Variants in PTPRD observed in about 807,000 individuals in gnomAD.
PTPRD encodes the protein receptor-type tyrosine-protein phosphatase delta.
In PTPRD, 34 loss-of-function variants were observed where a neutral mutation model predicts 214.5. The observed-to-expected ratio is 0.16, with a 90% CI of 0.12 to 0.21. The LOEUF (loss-of-function observed/expected upper bound fraction) is 0.21, where lower values mean the gene tolerates loss of function less well. Among genes scored for constraint, PTPRD ranks in the 10% least tolerant of loss-of-function variants. The pLI is 1.00. For synonymous variants in PTPRD, 1,128 were observed against 845.7 expected (o/e 1.33, Z -5.79); for missense variants, 2,545 against 2,398.7 (o/e 1.06, Z -1.27).
chr9:9,090,004 G>A (rs1448166058), intron 10 of PTPRD, among the ~76,000 whole-genome samples: 1 of 152,108 alleles, frequency 6.6e-6, no homozygotes, highest in Non-Finnish European at 1.5e-5. Flanking sequence ...GCATACATGT[G>A]TAATGATCAA....
At chr9:10,040,240 C>T (rs1156997277) in intron 3 of PTPRD, among the ~76,000 whole-genome samples, 3 of 151,964 alleles carry the variant, frequency 2.0e-5, no homozygotes, top group Non-Finnish European at 4.4e-5. Flanking sequence ...AAAGTCTTCC[C>T]ATTTTGTTGT....
intron 10 of PTPRD, among the ~76,000 whole-genome samples, chr9:9,089,571 C>T (rs1294122297): frequency 1.3e-5 from 2 of 152,158 alleles, no homozygotes; most frequent in Non-Finnish European, 2.9e-5. Context: ...CAAATTGATT[C>T]CATGTAGCAA....
intron 5 of PTPRD, among the ~76,000 whole-genome samples, chr9:9,935,699 C>T (rs1409384123): frequency 2.2e-4 from 31 of 143,626 alleles, no homozygotes; most frequent in East Asian, 1.0e-3. Flanking sequence ...CTACCAATGA[C>T]TTTCTTCACA....
intron 4 of PTPRD, among the ~76,000 whole-genome samples, chr9:10,029,264 G>C (rs1010106116): frequency 1.2e-4 from 18 of 152,216 alleles, no homozygotes; most frequent in African/African-American, 3.6e-4. Context: ...CAGTGTGGAA[G>C]GGAAATGTGG....
intron 2 of PTPRD, among the ~76,000 whole-genome samples, chr9:10,500,476 T>C (rs2043321151): frequency 6.6e-6 from 1 of 152,008 alleles, no homozygotes; most frequent in African/African-American, 2.4e-5. Flanking sequence ...GATACTGGCA[T>C]GTAATGGATA....
chr9:8,625,988 T>C (rs1456285715), intron 14 of PTPRD, among the ~76,000 whole-genome samples: 1 of 151,834 alleles, frequency 6.6e-6, no homozygotes, highest in Non-Finnish European at 1.5e-5. Flanking sequence ...TTTAATAAGA[T>C]ATAATAAGTT....
rs528220304 is a variant in PTPRD at position 10,147,676 on chromosome 9, T to A, written c.-544-113886A>T. Among the ~76,000 whole-genome samples, 25 of 151,828 alleles carry A rather than the reference T, an allele frequency of 1.6e-4. 1 individual carries two copies. The East Asian group carries it at 3.9e-3, about 24-fold the overall frequency. ...GTGTGGATCATCTGAGGTCAGGAGT[T>A]CAAGACCAGCCTGGCCAATATGGTA... is the stretch of plus-strand genomic sequence containing the variant. On this transcript the variant is annotated intron_variant, in intron 3 of 45. Transcript: ENST00000381196.
chr9:8,391,492 G>A (rs1334423557), intron 36 of PTPRD, among the ~76,000 whole-genome samples: 5 of 152,040 alleles, frequency 3.3e-5, no homozygotes, highest in African/African-American at 7.2e-5. Flanking sequence ...TTCAAATGAC[G>A]GTTTAAATAA....
rs181537114 is a variant in PTPRD, at chr9:9,871,225, A to G, written c.-368+67282T>C. On this transcript the variant is annotated intron_variant, in intron 5 of 45. Transcript: ENST00000381196. ...TATAAAATAGAATAAACCAATTACA[A>G]GTCAAACAAGAGAGTAAGTATGGAT... Among the ~76,000 whole-genome samples, 62 of 152,322 alleles carry G rather than the reference A, an allele frequency of 4.1e-4. 1 individual carries two copies. The highest frequency in any genetic ancestry group is 7.4e-4 in the Non-Finnish European group (50 of 68,010).
At chr9:10,348,032 T>C (rs1341095160) in intron 2 of PTPRD, among the ~76,000 whole-genome samples, 1 of 152,102 alleles carries the variant, frequency 6.6e-6, no homozygotes, top group Non-Finnish European at 1.5e-5. Flanking sequence ...CACTCCAGCC[T>C]GGGAAGCAGA....
At chr9:8,583,823 GTTGT>G (rs542530890) in intron 14 of PTPRD, among the ~76,000 whole-genome samples, 20 of 152,248 alleles carry the variant, frequency 1.3e-4, no homozygotes, top group African/African-American at 4.3e-4. Flanking sequence ...TTTGTTCATT[GTTGT>G]TTTTCTGTAC....
At chr9:10,482,636 G>A (rs2099108174) in intron 2 of PTPRD, among the ~76,000 whole-genome samples, 2 of 152,172 alleles carry the variant, frequency 1.3e-5, no homozygotes, top group South Asian at 4.2e-4. Flanking sequence ...CAAAATCAAT[G>A]TACATAAACC....
Position 9,988,489 on chromosome 9 carries a change from G to A in PTPRD, c.-472+45229C>T, listed in dbSNP as rs941643578. 2.6e-5 allele frequency among the ~76,000 whole-genome samples: 4 copies of A among 152,066 alleles called. No homozygotes were observed. In the South Asian group the frequency reaches 8.3e-4, roughly 32 times the overall value. On this transcript the variant is annotated intron_variant, in intron 4 of 45. Transcript: ENST00000381196. ...GTTATTATCTATTAAATTAGATTTG[G>A]TATCTGTATTTTTAGGTTTACATTT...
chr9:8,473,208 A>G (rs188635783), intron 30 of PTPRD, among the ~76,000 whole-genome samples: 2 of 152,192 alleles, frequency 1.3e-5, no homozygotes, highest in Non-Finnish European at 2.9e-5. Context: ...CTGAGCAACT[A>G]ATCAACAGAT....
chr9:10,103,600 C>G (rs1269350845), intron 3 of PTPRD, among the ~76,000 whole-genome samples: 1 of 150,992 alleles, frequency 6.6e-6, no homozygotes, highest in Non-Finnish European at 1.5e-5. Flanking sequence ...GTGCTTTTGT[C>G]TTAGGTTTCA....
At position 9,024,050 on chromosome 9, in the gene PTPRD, G is replaced by A. The variant is rs190328516; in HGVS notation, c.-142-5315C>T. Reference sequence around the variant, plus strand: ...ATTGAAATTTACAAAATACATTGAAGAAAAAAGACAAAAATGAAAGTCATT... The same window carrying A: ...ATTGAAATTTACAAAATACATTGAAAAAAAAAGACAAAAATGAAAGTCATT... On this transcript the variant is annotated intron_variant, in intron 10 of 45. Coordinates refer to ENST00000381196, the MANE Select transcript of PTPRD (RefSeq NM_002839.4). Among the ~76,000 whole-genome samples, 48 of 151,310 alleles carry A rather than the reference G, an allele frequency of 3.2e-4. 1 individual carries two copies. The highest frequency in any genetic ancestry group is 1.1e-3 in the African/African-American group (46 of 41,300).
chr9:8,600,243 T>A (rs767108015), intron 14 of PTPRD, among the ~76,000 whole-genome samples: 2 of 152,184 alleles, frequency 1.3e-5, no homozygotes, highest in African/African-American at 4.8e-5. Context: ...GGATTGCCCA[T>A]CCCAGCAGTC....
At chr9:9,980,618 C>CAAAAAAAAAAAA (rs1202080056) in intron 4 of PTPRD, among the ~76,000 whole-genome samples, 20 of 23,006 alleles carry the variant, frequency 8.7e-4, no homozygotes, top group East Asian at 5.8e-3. Flanking sequence ...CAAAAAAAAA[C>CAAAAAAAAAAAA]AAAAAAAAAA....
chr9:9,092,117 G>C (rs1418841120), intron 10 of PTPRD, among the ~76,000 whole-genome samples: 2 of 152,064 alleles, frequency 1.3e-5, no homozygotes, highest in East Asian at 3.9e-4. Flanking sequence ...TAAAACACTA[G>C]GCTCACTATT....
Sources: gnomAD v4.1 joint callset for allele counts (sites outside exome capture counted in the v4.1 genomes callset) on GRCh38, gnomAD v4.1.1 for gene constraint, MANE v1.5 for transcripts, NCBI Gene and HGNC (gene_info 2026-07-23, HGNC 2026-07-21) for gene names.